Variants in RBFOX1 observed in about 807,000 individuals in gnomAD.
The protein encoded by RBFOX1 is RNA binding protein fox-1 homolog 1.
RBFOX1 carries 8 observed loss-of-function variants against 57.7 expected under a neutral mutation model. That is an observed-to-expected ratio of 0.14 (90% confidence interval 0.08 to 0.25). The LOEUF (loss-of-function observed/expected upper bound fraction) is 0.25, where lower values mean the gene tolerates loss of function less well. Among genes scored for constraint, RBFOX1 ranks in the 10% least tolerant of loss-of-function variants. The probability of loss-of-function intolerance (pLI) is 1.00; values close to 1 mark genes in which losing one functional copy is unlikely to be tolerated. For missense variants in RBFOX1, 611 were observed against 548.5 expected (o/e 1.11, Z -1.14); for synonymous variants, 326 against 222.4 (o/e 1.47, Z -4.15).
intron 4 of RBFOX1, among the ~76,000 whole-genome samples, chr16:7,235,761 A>G (rs921123243): frequency 2.0e-5 from 3 of 152,226 alleles, no homozygotes; most frequent in Non-Finnish European, 4.4e-5. Flanking sequence ...AAAAATTGTT[A>G]AAAATGTTTA....
chr16:7,198,630 C>T lies in RBFOX1; in HGVS notation c.27+146532C>T, dbSNP rs374322765. On this transcript the variant is annotated intron_variant, in intron 4 of 15. Transcript: ENST00000550418. Reference sequence around the variant, plus strand: ...ACTGCATATCACATGGGCTTTCCTGCTCCTCCATCACATGGTGGAAGGGCA... The same window carrying T: ...ACTGCATATCACATGGGCTTTCCTGTTCCTCCATCACATGGTGGAAGGGCA... 3.2e-4 allele frequency among the ~76,000 whole-genome samples: 49 copies of T among 152,258 alleles called. 1 individual carries two copies. The East Asian group carries it at 5.4e-3, about 17-fold the overall frequency.
chr16:5,657,732 C>G lies in RBFOX1; in HGVS notation c.318+58771C>G, dbSNP rs371691587. 2.0e-5 allele frequency among the ~76,000 whole-genome samples: 2 copies of G among 98,352 alleles called. 1 individual carries two copies. Among genetic ancestry groups the G allele is most frequent in the South Asian group, 7.9e-4 (2 of 2,544 alleles). The allele number at this position is 98,352 out of a possible 152,430, so 64.5% of individuals were successfully genotyped here. A position where few individuals can be genotyped will look rare whatever the true frequency, so the allele number is the denominator to read the frequency against. On this transcript the variant is annotated intron_variant, in intron 3 of 19. Transcript: ENST00000641259. ...TTTCTCTCTTTCTTTTGTTTCTTTT[C>G]TTTTCTTTTTTTTTTTTTGAGACAG... is the stretch of plus-strand genomic sequence containing the variant.
chr16:5,917,562 G>A (rs2058734948), intron 4 of RBFOX1, among the ~76,000 whole-genome samples: 1 of 152,172 alleles, frequency 6.6e-6, no homozygotes, highest in Admixed American at 6.5e-5. Flanking sequence ...ACAGTGGGTG[G>A]GAAGGAAGGA....
At chr16:7,009,272 TTC>T (rs1344549422) in intron 3 of RBFOX1, among the ~76,000 whole-genome samples, 1 of 142,342 alleles carries the variant, frequency 7.0e-6, no homozygotes, top group African/African-American at 2.9e-5. Context: ...CTTCCTCTTC[TTC>T]TCTCTTTTCT....
At chr16:5,276,525 G>A (rs996587180) in intron 1 of RBFOX1, among the ~76,000 whole-genome samples, 1 of 152,132 alleles carries the variant, frequency 6.6e-6, no homozygotes, top group African/African-American at 2.4e-5. Flanking sequence ...TGGCTGACGC[G>A]TGTAATCCCA....
chr16:6,627,283 C>G (rs373883423), intron 2 of RBFOX1, among the ~76,000 whole-genome samples: 1 of 152,158 alleles, frequency 6.6e-6, no homozygotes, highest in Non-Finnish European at 1.5e-5. Context: ...TGAAACGTCC[C>G]TACTTAGGTG....
At chr16:5,607,480 G>C (rs1292232003) in intron 3 of RBFOX1, among the ~76,000 whole-genome samples, 1 of 152,182 alleles carries the variant, frequency 6.6e-6, no homozygotes, top group African/African-American at 2.4e-5. Context: ...CCTAATCTCT[G>C]AGGATGGCTG....
At chr16:6,467,433 C>G (rs943311099) in intron 2 of RBFOX1, among the ~76,000 whole-genome samples, 12 of 151,908 alleles carry the variant, frequency 7.9e-5, no homozygotes, top group African/African-American at 1.9e-4. Context: ...AATAAGTTGA[C>G]ATATATTTAT....
intron 3 of RBFOX1, among the ~76,000 whole-genome samples, chr16:6,800,229 G>T (rs974920600): frequency 1.4e-5 from 2 of 145,864 alleles, no homozygotes; most frequent in Non-Finnish European, 2.9e-5. Context: ...AACCATGTCT[G>T]TTTGCCCAAG....
intron 4 of RBFOX1, among the ~76,000 whole-genome samples, chr16:5,870,852 T>C (rs2057452291): frequency 6.6e-6 from 1 of 152,154 alleles, no homozygotes. Context: ...CTTTTCCTTC[T>C]CAAATGACTT....
At chr16:7,676,865 C>T (rs1259187982) in intron 14 of RBFOX1, 27 bp downstream of exon 14, 1 of 1,582,990 alleles carries the variant, frequency 6.3e-7, no homozygotes, top group East Asian at 2.3e-5. Flanking sequence ...TTGTGCTTGA[C>T]AACTACTTGT....
In RBFOX1 at chr16:5,997,863, T is replaced by C. The variant is rs534464486; in HGVS notation, c.351+130528T>C. Among the ~76,000 whole-genome samples, 8 of 152,340 alleles carry C rather than the reference T, an allele frequency of 5.3e-5. No individual in the cohort carries two copies. In the South Asian group the frequency reaches 1.7e-3, roughly 32 times the overall value. On this transcript the variant is annotated intron_variant, in intron 4 of 19. Coordinates refer to the RBFOX1 transcript ENST00000641259. ...TTAGTTTACTTTACTTTTTTTTTATTTGCTGATAGTCAATCATTTGCTGAT... is the reference window on the plus strand; with the variant it reads ...TTAGTTTACTTTACTTTTTTTTTATCTGCTGATAGTCAATCATTTGCTGAT...
chr16:6,656,780 A>G (rs2098656477), intron 3 of RBFOX1, among the ~76,000 whole-genome samples: 1 of 152,140 alleles, frequency 6.6e-6, no homozygotes, highest in Non-Finnish European at 1.5e-5. Flanking sequence ...TTGGTGATGC[A>G]TCTTAGTGAT....
At position 6,305,149 on chromosome 16, in the gene RBFOX1, C is replaced by T. The variant is rs28695373; in HGVS notation, c.-126-11846C>T. Among the ~76,000 whole-genome samples, 1,148 of 152,292 alleles carry T rather than the reference C, an allele frequency of 7.5e-3. 21 individuals are homozygous for T. The highest frequency in any genetic ancestry group is 0.025 in the African/African-American group (1,028 of 41,550). On this transcript the variant is annotated intron_variant, in intron 1 of 15. Coordinates refer to ENST00000550418, the MANE Select transcript of RBFOX1 (RefSeq NM_018723.4). ...TCTCGGGTTATCCCAAATCCTTCCACGGGTAGTCATAAGCATGTGATGTCT... is the reference window on the plus strand; with the variant it reads ...TCTCGGGTTATCCCAAATCCTTCCATGGGTAGTCATAAGCATGTGATGTCT...
At chr16:5,818,460 GTCAA>G (rs1215529835) in intron 3 of RBFOX1, among the ~76,000 whole-genome samples, 1 of 152,164 alleles carries the variant, frequency 6.6e-6, no homozygotes, top group African/African-American at 2.4e-5. Context: ...TCTTTACTCA[GTCAA>G]TAAGTTTTTT....
intron 4 of RBFOX1, among the ~76,000 whole-genome samples, chr16:7,356,230 A>G (rs924809074): frequency 6.6e-6 from 1 of 152,040 alleles, no homozygotes; most frequent in Non-Finnish European, 1.5e-5. Context: ...GTGAGTCAAG[A>G]CCCCTGTTTT....
intron 1 of RBFOX1, among the ~76,000 whole-genome samples, chr16:5,433,395 C>T (rs2067813524): frequency 6.6e-6 from 1 of 152,148 alleles, no homozygotes; most frequent in Non-Finnish European, 1.5e-5. Context: ...CACATGCGTG[C>T]TGCACTTGGT....
intron 1 of RBFOX1, among the ~76,000 whole-genome samples, chr16:6,241,446 A>G (rs2097539548): frequency 6.6e-6 from 1 of 151,208 alleles, no homozygotes; most frequent in South Asian, 2.1e-4. Context: ...GCCAAGTCTG[A>G]AAGCTATAAA....
At chr16:6,923,100 G>C (rs2074839508) in intron 3 of RBFOX1, among the ~76,000 whole-genome samples, 1 of 152,184 alleles carries the variant, frequency 6.6e-6, no homozygotes, top group Non-Finnish European at 1.5e-5. Flanking sequence ...GGCAATGAGA[G>C]AAAGTGATTT....
Sources: allele counts gnomAD v4.1 joint callset (sites outside exome capture counted in the v4.1 genomes callset), GRCh38; gene constraint gnomAD v4.1.1; transcripts MANE v1.5; gene names NCBI Gene and HGNC (gene_info 2026-07-23, HGNC 2026-07-21).